NFAT5: variants seen among roughly 807,000 people sequenced by gnomAD.
NFAT5 encodes nuclear factor of activated T-cells 5.
NFAT5 carries 31 observed loss-of-function variants against 166.5 expected under a neutral mutation model. That is an observed-to-expected ratio of 0.19 (90% confidence interval 0.14 to 0.25). The LOEUF (loss-of-function observed/expected upper bound fraction) is 0.25. NFAT5 is among the 10% of genes least tolerant of loss of function. NFAT5 has a pLI of 1.00. For synonymous variants in NFAT5, 612 were observed against 639.7 expected, an observed-to-expected ratio of 0.96 and a Z score of 0.65; for missense variants, 1,449 against 1,821.8, an observed-to-expected ratio of 0.80 and a Z score of 3.72.
intron 2 of NFAT5, among the ~76,000 whole-genome samples, chr16:69,574,468 T>C (rs1397194908): frequency 6.6e-6 from 1 of 152,128 alleles, no homozygotes; most frequent in Non-Finnish European, 1.5e-5. Flanking sequence ...ATAAGACCAA[T>C]GATAATTATG....
chr16:69,651,223 T>C (rs1224874061), intron 4 of NFAT5, among the ~76,000 whole-genome samples: 1 of 152,234 alleles, frequency 6.6e-6, no homozygotes. Flanking sequence ...GCACCTGTTA[T>C]GTTTCAGGAA....
rs766176554 is a variant in NFAT5 at position 69,693,029 on chromosome 16, T to A, written c.3204T>A (p.Asn1068Lys). 1 of 1,613,998 alleles carries A rather than the reference T, an allele frequency of 6.2e-7. No individual in the cohort carries two copies. Reference sequence around the variant, plus strand: ...GTAATGGTTTATTCCAGCAAGGGAATGAGATGATGTCACTTCAATCTGGAA... The same window carrying A: ...GTAATGGTTTATTCCAGCAAGGGAAAGAGATGATGTCACTTCAATCTGGAA... ...QQGNGLFQQG[N>K]EMMSLQSGNF... is the part of the protein sequence containing the mutation. The change falls in exon 13 of 15, where the codon AAT becomes AAA. Residue 1068 changes from asparagine (N) to lysine (K), a missense_variant. Asn to Lys is a moderately conservative substitution (Grantham distance 94, BLOSUM62 0). Coordinates refer to ENST00000349945, the MANE Select transcript of NFAT5 (RefSeq NM_138713.4).
chr16:69,570,244 G>C (rs1380353920), intron 2 of NFAT5, among the ~76,000 whole-genome samples: 4 of 152,124 alleles, frequency 2.6e-5, no homozygotes, highest in Admixed American at 2.0e-4. Flanking sequence ...ACATGTATAA[G>C]TATCAATTCT....
chr16:69,595,087 A>G (rs896106191), intron 2 of NFAT5, among the ~76,000 whole-genome samples: 51 of 152,086 alleles, frequency 3.4e-4, no homozygotes, highest in African/African-American at 1.2e-3. Flanking sequence ...TCAAATGTTA[A>G]TCTCCTTTGG....
Position 69,647,568 on chromosome 16 carries a change from A to G in NFAT5, c.794A>G (p.Asn265Ser). The G allele has an allele frequency of 6.3e-7, 1 of 1,577,078 alleles. No homozygotes were observed. ...LSQLTTDNKGNSKAGNGTLEN... is the reference protein window; with the variant it reads ...LSQLTTDNKGSSKAGNGTLEN... The stretch of plus-strand genomic sequence containing the variant: ...CAGCTTACCACGGACAACAAAGGCA[A>G]CTCAAAAGCGGGAAATGGGTTGGTA... The change falls in exon 4 of 15, where the codon AAC (asparagine) becomes AGC (serine). Residue 265 changes from asparagine to serine, a missense_variant. Transcript: ENST00000349945. This position sits in a 1 kb window ranked among gnomAD's most constrained non-coding sequence, Gnocchi z 4.8.
chr16:69,571,208 G>A (rs2016417107), intron 2 of NFAT5, among the ~76,000 whole-genome samples: 1 of 150,140 alleles, frequency 6.7e-6, no homozygotes, highest in African/African-American at 2.5e-5. Context: ...CGATGCTGAG[G>A]CAGGAGAATC....
chr16:69,617,495 C>CTTTTTT (rs898627380), intron 2 of NFAT5, among the ~76,000 whole-genome samples: 1 of 142,172 alleles, frequency 7.0e-6, no homozygotes, highest in Admixed American at 7.1e-5. Flanking sequence ...ATTTTCTTTT[C>CTTTTTT]TTTTTTTTTT....
chr16:69,577,234 A>T (rs1255434808), intron 2 of NFAT5, among the ~76,000 whole-genome samples: 1 of 152,080 alleles, frequency 6.6e-6, no homozygotes, highest in Non-Finnish European at 1.5e-5. Flanking sequence ...TCTATAAAGG[A>T]GGTTTGCTAT....
In NFAT5 at chr16:69,694,016, A is replaced by T; in HGVS notation, c.4191A>T (p.Ala1397=). ...EQQVTLFLSP[A]SMSALQTSIN... ...AAGTAACTCTCTTCTTATCTCCAGC[A>T]TCCATGTCTGCCTTGCAGACCAGTA... Residue 1397 remains alanine, a synonymous_variant, in exon 13 of 15, where the codon GCA becomes GCT. Coordinates refer to ENST00000349945, the MANE Select transcript of NFAT5 (RefSeq NM_138713.4). 6.2e-7 allele frequency: 1 copy of T among 1,614,182 alleles called. No individual in the cohort carries two copies. The highest frequency in any genetic ancestry group is 1.1e-5 in the South Asian group (1 of 91,088).
intron 2 of NFAT5, among the ~76,000 whole-genome samples, chr16:69,580,897 C>T (rs987951294): frequency 4.6e-5 from 7 of 151,936 alleles, no homozygotes; most frequent in Non-Finnish European, 7.4e-5. Flanking sequence ...ACTCTTGATC[C>T]GCCCACCTCG....
chr16:69,647,589 T>A lies in NFAT5; in HGVS notation c.812+3T>A. 1.9e-6 allele frequency: 3 copies of A among 1,555,406 alleles called. No individual in the cohort carries two copies. The South Asian group carries it at 3.5e-5, about 18-fold the overall frequency. ...GGCAACTCAAAAGCGGGAAATGGGTTGGTATTCACATTTTTTAAAATTCTA... is the reference window on the plus strand; with the variant it reads ...GGCAACTCAAAAGCGGGAAATGGGTAGGTATTCACATTTTTTAAAATTCTA... On this transcript the variant is annotated splice_donor_region_variant and intron_variant, in intron 4 of 14. Transcript: ENST00000349945. This position sits in a 1 kb window ranked among gnomAD's most constrained non-coding sequence, Gnocchi z 4.8.
intron 2 of NFAT5, among the ~76,000 whole-genome samples, chr16:69,577,793 G>A (rs1019161700): frequency 3.3e-5 from 5 of 152,006 alleles, no homozygotes; most frequent in Non-Finnish European, 4.4e-5. Flanking sequence ...TAAAGGACAC[G>A]GGTTATATAT....
chr16:69,659,841 C>A lies in NFAT5; in HGVS notation c.1311C>A (p.Ile437=). Residue 437 remains isoleucine (I), a synonymous_variant, in exon 7 of 15, where the codon ATC becomes ATA. Coordinates refer to ENST00000349945, the MANE Select transcript of NFAT5 (RefSeq NM_138713.4). ...TRARLVFRVN[I]MRKDGSTLTL... ...CCAGATTGGTTTTTCGAGTTAATATCATGAGGAAAGATGGCTCCACTTTGA... is the reference window on the plus strand; with the variant it reads ...CCAGATTGGTTTTTCGAGTTAATATAATGAGGAAAGATGGCTCCACTTTGA... 1 of 1,614,038 alleles carries A rather than the reference C, an allele frequency of 6.2e-7. No individual in the cohort carries two copies.
intron 2 of NFAT5, among the ~76,000 whole-genome samples, chr16:69,596,717 T>TAAA (rs1177895504): frequency 8.0e-6 from 1 of 125,152 alleles, no homozygotes; most frequent in Non-Finnish European, 1.7e-5. Flanking sequence ...GACTCTATCT[T>TAAA]AAAAAAAAAA....
At position 69,693,846 on chromosome 16, in the gene NFAT5, C is replaced by T; in HGVS notation, c.4021C>T (p.Gln1341Ter). The change falls in exon 13 of 15, where the codon CAG (glutamine) becomes TAG (stop). Residue 1341 changes from glutamine (Q) to a stop codon, truncating the protein, a stop_gained. Transcript: ENST00000349945. LOFTEE classifies it high-confidence loss of function. ...SNMAPMNQEQ[Q>*]PMQFQSQSTV... The stretch of plus-strand genomic sequence containing the variant: ...CATGGCCCCAATGAATCAAGAGCAA[C>T]AGCCCATGCAATTTCAGAGTCAGTC... 6.2e-7 allele frequency: 1 copy of T among 1,614,236 alleles called. No homozygotes were observed. The highest frequency in any genetic ancestry group is 8.5e-7 in the Non-Finnish European group (1 of 1,180,044).
Position 69,692,699 on chromosome 16 carries a change from T to C in NFAT5, c.2874T>C (p.Ser958=). The C allele has an allele frequency of 6.2e-7, 1 of 1,614,198 alleles. No homozygotes were observed. The highest frequency in any genetic ancestry group is 1.7e-5 in the Admixed American group (1 of 60,020). The change falls in exon 13 of 15, where the codon AGT becomes AGC. Residue 958 remains serine, a synonymous_variant. Transcript: ENST00000349945. ...PVYQQTSHMM[S]ALSTNEDMQM... The stretch of plus-strand genomic sequence containing the variant: ...ACCAGCAGACTTCTCACATGATGAG[T>C]GCATTGTCTACCAATGAGGATATGC...
chr16:69,614,878 C>CTT (rs55841097), intron 2 of NFAT5, among the ~76,000 whole-genome samples: 5,810 of 130,916 alleles, frequency 0.044, 223 homozygotes, highest in African/African-American at 0.071. Flanking sequence ...TTTCTTTTTC[C>CTT]TTTTTTTTTT....
intron 3 of NFAT5, among the ~76,000 whole-genome samples, chr16:69,641,243 A>G (rs2035194894): frequency 6.9e-6 from 1 of 144,170 alleles, no homozygotes; most frequent in Non-Finnish European, 1.5e-5. Flanking sequence ...GTGCCACTGC[A>G]TTCCAGCCTG....
chr16:69,582,979 A>T (rs1431051763), intron 2 of NFAT5, among the ~76,000 whole-genome samples: 2 of 151,634 alleles, frequency 1.3e-5, no homozygotes, highest in Admixed American at 6.6e-5. Context: ...TAATAATATT[A>T]AATATTTTTG....
Sources: allele counts gnomAD v4.1 joint callset (sites outside exome capture counted in the v4.1 genomes callset), GRCh38; gene constraint gnomAD v4.1.1; non-coding constraint Gnocchi (gnomAD v3.1); transcripts MANE v1.5; gene names NCBI Gene and HGNC (gene_info 2026-07-23, HGNC 2026-07-21).